The following COL22A1 variants were observed in gnomAD, a reference collection of about 807,000 sequenced individuals.
COL22A1 encodes the protein collagen alpha-1(XXII) chain.
COL22A1 carries 221 observed loss-of-function variants against 248.9 expected under a neutral mutation model. The observed-to-expected ratio is 0.89, with a 90% CI of 0.80 to 0.99. The LOEUF (loss-of-function observed/expected upper bound fraction) is 0.99. COL22A1 is among the 50% of genes least tolerant of loss of function. COL22A1 has a pLI of 0.00. For synonymous variants in COL22A1, 891 were observed against 793.4 expected (o/e 1.12, Z -2.07); for missense variants, 2,240 against 2,179.0 (o/e 1.03, Z -0.56).
At chr8:138,727,068 A>G (rs1830374379) in intron 23 of COL22A1, among the ~76,000 whole-genome samples, 1 of 152,142 alleles carries the variant, frequency 6.6e-6, no homozygotes, top group Non-Finnish European at 1.5e-5. Flanking sequence ...GATAGTCCTC[A>G]CGCAGGGACC....
intron 22 of COL22A1, among the ~76,000 whole-genome samples, chr8:138,748,882 C>T (rs1274903993): frequency 6.6e-6 from 1 of 152,176 alleles, no homozygotes; most frequent in East Asian, 1.9e-4. Context: ...TTGGCTGTGT[C>T]CCCACCCAAA....
intron 3 of COL22A1, among the ~76,000 whole-genome samples, chr8:138,859,161 G>C (rs57279391): frequency 0.096 from 14,564 of 152,258 alleles, 782 homozygotes; most frequent in African/African-American, 0.13. Flanking sequence ...TTGTGCCACT[G>C]CCAGCCACGT....
chr8:138,596,785 A>T, intron 62 of COL22A1, 119 bp downstream of exon 62: 1 of 876,202 alleles, frequency 1.1e-6, no homozygotes, highest in Non-Finnish European at 1.9e-6. Context: ...GATAGTCTAC[A>T]CTTGAGCTGC....
intron 3 of COL22A1, among the ~76,000 whole-genome samples, chr8:138,876,174 C>T (rs1459132653): frequency 6.6e-6 from 1 of 152,176 alleles, no homozygotes; most frequent in Non-Finnish European, 1.5e-5. Flanking sequence ...CTCCCTTTCC[C>T]CAGCTGCACG....
chr8:138,841,872 C>A (rs1820908992), intron 4 of COL22A1, among the ~76,000 whole-genome samples: 1 of 152,106 alleles, frequency 6.6e-6, no homozygotes, highest in African/African-American at 2.4e-5. Context: ...AGTGGCCAGT[C>A]CATGGGGAAG....
chr8:138,851,716 A>G lies in COL22A1; in HGVS notation c.659-7558T>C, dbSNP rs183173476. On this transcript the variant is annotated intron_variant, in intron 3 of 64. Transcript: ENST00000303045. The stretch of plus-strand genomic sequence containing the variant: ...AGAGCCCTTGCAGCCTTTTTGTGTG[A>G]CAGCCAGCAGACCTTCTGAGACCAA... Among the ~76,000 whole-genome samples, 283 of 152,276 alleles carry G rather than the reference A, an allele frequency of 1.9e-3. 3 individuals carry two copies. The highest frequency in any genetic ancestry group is 3.5e-3 in the Non-Finnish European group (235 of 68,024).
intron 3 of COL22A1, among the ~76,000 whole-genome samples, chr8:138,851,254 CA>C (rs777741799): frequency 1.3e-5 from 2 of 152,196 alleles, no homozygotes; most frequent in Non-Finnish European, 2.9e-5. Context: ...CCAGTCCACC[CA>C]TGGGAAGAGC....
At chr8:138,799,103 C>T (rs897514773) in intron 11 of COL22A1, among the ~76,000 whole-genome samples, 1 of 152,074 alleles carries the variant, frequency 6.6e-6, no homozygotes, top group African/African-American at 2.4e-5. Flanking sequence ...TTTTGAGCCC[C>T]TCTAGTTTTT....
chr8:138,883,545 C>T (rs919692382), intron 1 of COL22A1, among the ~76,000 whole-genome samples: 3 of 152,204 alleles, frequency 2.0e-5, no homozygotes, highest in African/African-American at 7.2e-5. Context: ...TATGGCTTGG[C>T]TCTGTGTCAC....
At chr8:138,760,211 A>G in intron 18 of COL22A1, 32 bp downstream of exon 18, 1 of 1,540,560 alleles carries the variant, frequency 6.5e-7, no homozygotes, top group Non-Finnish European at 8.8e-7. Context: ...TGCCCAGGGC[A>G]CAGAGCCCTT....
chr8:138,812,754 A>G (rs1294119785), intron 8 of COL22A1, among the ~76,000 whole-genome samples, 185 bp downstream of exon 8: 1 of 152,152 alleles, frequency 6.6e-6, no homozygotes, highest in Non-Finnish European at 1.5e-5. Context: ...AGACCACAGT[A>G]GCCCTGGAGG....
intron 17 of COL22A1, among the ~76,000 whole-genome samples, chr8:138,761,408 A>G (rs1833478513): frequency 6.6e-6 from 1 of 152,196 alleles, no homozygotes; most frequent in Non-Finnish European, 1.5e-5. Context: ...CACGTTTATG[A>G]TACAATGTTG....
intron 1 of COL22A1, among the ~76,000 whole-genome samples, chr8:138,913,038 C>A (rs1815565168): frequency 6.6e-6 from 1 of 151,786 alleles, no homozygotes; most frequent in South Asian, 2.1e-4. Flanking sequence ...GGGGGAAGGA[C>A]AAAAACACCT....
chr8:138,765,953 G>A (rs1833882801), intron 16 of COL22A1, among the ~76,000 whole-genome samples: 1 of 152,358 alleles, frequency 6.6e-6, no homozygotes, highest in East Asian at 1.9e-4. Flanking sequence ...TGAGTGAGCT[G>A]CTGATGAGAC....
intron 3 of COL22A1, among the ~76,000 whole-genome samples, chr8:138,848,955 C>T (rs543284827): frequency 2.6e-5 from 4 of 152,232 alleles, no homozygotes; most frequent in African/African-American, 9.6e-5. Flanking sequence ...TCGCAGCGGC[C>T]GCTGCTGAGT....
At chr8:138,623,648 A>C (rs1820005373) in intron 52 of COL22A1, 84 bp downstream of exon 52, 1 of 1,244,390 alleles carries the variant, frequency 8.0e-7, no homozygotes, top group East Asian at 2.4e-5. Flanking sequence ...AGACTGGTTC[A>C]AAATAGCTCC....
intron 2 of COL22A1, among the ~76,000 whole-genome samples, chr8:138,881,354 A>C (rs185536729): frequency 6.6e-6 from 1 of 150,990 alleles, no homozygotes; most frequent in African/African-American, 2.4e-5. Context: ...AAATAATGTC[A>C]ACTTTTCTTT....
intron 30 of COL22A1, among the ~76,000 whole-genome samples, chr8:138,710,840 A>G (rs550277255): frequency 3.9e-5 from 6 of 152,204 alleles, no homozygotes; most frequent in Admixed American, 2.6e-4. Flanking sequence ...TCTTCCTGAC[A>G]TTGTTGAACT....
rs1821210427 is a variant in COL22A1 at position 138,636,722 on chromosome 8, C to T, written c.3555+20G>A. The T allele has an allele frequency of 6.3e-7, 1 of 1,598,924 alleles. No individual in the cohort carries two copies. Among genetic ancestry groups the T allele is most frequent in the South Asian group, 1.1e-5 (1 of 90,724 alleles). ...GCTCCTTCCTCAGGGTGAATGGTTC[C>T]TTATAAAGTAAATTTTTACCTGATC... On this transcript the variant is annotated intron_variant, in intron 48 of 64. Coordinates refer to ENST00000303045, the MANE Select transcript of COL22A1 (RefSeq NM_152888.3).
Sources: gnomAD v4.1 joint callset for allele counts (sites outside exome capture counted in the v4.1 genomes callset) on GRCh38, gnomAD v4.1.1 for gene constraint, MANE v1.5 for transcripts, NCBI Gene and HGNC (gene_info 2026-07-23, HGNC 2026-07-21) for gene names.